HDAC4: variants seen among roughly 807,000 people sequenced by gnomAD.
HDAC4 encodes histone deacetylase A.
A neutral mutation model predicts 135.1 loss-of-function variants in HDAC4; 16 were observed. The ratio of observed to expected loss-of-function variants is 0.12; its 90% CI spans 0.08 to 0.18. The LOEUF (loss-of-function observed/expected upper bound fraction) is 0.18, where lower values mean the gene tolerates loss of function less well. HDAC4 is among the 10% of genes least tolerant of loss of function. The pLI, the probability that HDAC4 is intolerant of heterozygous loss-of-function variation, is 1.00. For synonymous variants in HDAC4, 685 were observed against 653.4 expected (o/e 1.05, Z -0.74); for missense variants, 1,143 against 1,511.8 (o/e 0.76, Z 4.05).
intron 2 of HDAC4, among the ~76,000 whole-genome samples, chr2:239,312,773 G>A (rs2125713757): frequency 6.6e-6 from 1 of 152,366 alleles, no homozygotes; most frequent in South Asian, 2.1e-4. Context: ...ACTGAGGGCA[G>A]AATGTGGTGG....
intron 2 of HDAC4, among the ~76,000 whole-genome samples, chr2:239,275,279 C>A (rs544393166): frequency 6.6e-6 from 1 of 152,210 alleles, no homozygotes; most frequent in African/African-American, 2.4e-5. Flanking sequence ...GCCAGGCTGC[C>A]GGCAAAGCGC....
chr2:239,315,788 G>A (rs777737869), intron 2 of HDAC4, among the ~76,000 whole-genome samples: 12 of 152,212 alleles, frequency 7.9e-5, no homozygotes, highest in Non-Finnish European at 1.3e-4. Context: ...TGTAAAAAAC[G>A]AAACCGTACA....
chr2:239,085,039 CAG>C (rs1412241608), intron 19 of HDAC4, among the ~76,000 whole-genome samples: 2,806 of 123,702 alleles, frequency 0.023, 84 homozygotes, highest in African/African-American at 0.084. Flanking sequence ...CTGAGACAGA[CAG>C]ACACACACAC....
At chr2:239,281,270 CACAATGAACACACCACTCT>C (rs1365473638) in intron 2 of HDAC4, among the ~76,000 whole-genome samples, 2 of 135,212 alleles carry the variant, frequency 1.5e-5, no homozygotes, top group Non-Finnish European at 3.3e-5. Flanking sequence ...CCACTCTACA[CACAATGAACACACCACTCT>C]ACAATGAACA....
At chr2:239,286,105 A>G (rs1439311964) in intron 2 of HDAC4, among the ~76,000 whole-genome samples, 1 of 152,262 alleles carries the variant, frequency 6.6e-6, no homozygotes, top group Non-Finnish European at 1.5e-5. Context: ...AGAATCTCTT[A>G]ATGCTTTATT....
chr2:239,336,044 C>T (rs932344308), intron 2 of HDAC4, among the ~76,000 whole-genome samples: 3 of 151,982 alleles, frequency 2.0e-5, no homozygotes, highest in African/African-American at 7.3e-5. Context: ...TATTATATAC[C>T]CATTAAATGA....
chr2:239,338,448 C>T (rs1008632965), intron 2 of HDAC4, among the ~76,000 whole-genome samples: 1 of 152,278 alleles, frequency 6.6e-6, no homozygotes, highest in East Asian at 1.9e-4. Flanking sequence ...GAGATTCTCA[C>T]ACCGACCTTC....
intron 25 of HDAC4, among the ~76,000 whole-genome samples, chr2:239,054,052 G>A (rs1390994117): frequency 1.3e-5 from 2 of 152,030 alleles, no homozygotes; most frequent in South Asian, 2.1e-4. Context: ...GGGGTACTGC[G>A]TCAGGCGCAA....
chr2:239,117,549 G>C (rs2039246580), intron 12 of HDAC4, among the ~76,000 whole-genome samples: 2 of 139,678 alleles, frequency 1.4e-5, no homozygotes, highest in Non-Finnish European at 3.0e-5. Flanking sequence ...AGGGGAGAGA[G>C]GGATGCGGGA....
At chr2:239,367,036 C>G (rs1471981001) in intron 1 of HDAC4, among the ~76,000 whole-genome samples, 2 of 136,700 alleles carry the variant, frequency 1.5e-5, no homozygotes, top group East Asian at 3.9e-4. Flanking sequence ...GGAAAACAAC[C>G]CTTTGACAAA....
chr2:239,240,211 G>GA lies in HDAC4; in HGVS notation c.23-3548dup, dbSNP rs2048101979. Among the ~76,000 whole-genome samples, 3 of 152,254 alleles carry GA rather than the reference G, an allele frequency of 2.0e-5. No individual in the cohort carries two copies. Among genetic ancestry groups the GA allele is most frequent in the Admixed American group, 2.0e-4 (3 of 15,288 alleles). ...CAGGCGCAGGGGCCACCAGGCCTGG[G>GA]AAAGACAGCTTTGGAACGGACCTAA... On this transcript the variant is annotated intron_variant, in intron 2 of 26. Coordinates refer to ENST00000543185, the MANE Select transcript of HDAC4 (RefSeq NM_001378414.1). This position sits in a 1 kb window ranked among gnomAD's most constrained non-coding sequence, Gnocchi z 4.5.
intron 2 of HDAC4, among the ~76,000 whole-genome samples, chr2:239,277,595 T>C (rs1313956818): frequency 2.0e-5 from 3 of 152,234 alleles, no homozygotes; most frequent in Admixed American, 6.5e-5. Flanking sequence ...ACCGGACATG[T>C]GCCCACTCTC....
chr2:239,393,034 G>A (rs1301069018), intron 1 of HDAC4, among the ~76,000 whole-genome samples: 1 of 152,216 alleles, frequency 6.6e-6, no homozygotes, highest in Non-Finnish European at 1.5e-5. Flanking sequence ...AGGCACAGAG[G>A]AAGCTCTCGC....
chr2:239,121,437 C>T (rs1271704840), intron 12 of HDAC4, among the ~76,000 whole-genome samples: 1 of 152,198 alleles, frequency 6.6e-6, no homozygotes, highest in Non-Finnish European at 1.5e-5. Context: ...CTGAGGCTTT[C>T]GGCAGCCGCG....
chr2:239,195,374 G>C (rs1200557060), intron 3 of HDAC4, among the ~76,000 whole-genome samples: 1 of 152,198 alleles, frequency 6.6e-6, no homozygotes, highest in Admixed American at 6.5e-5. Context: ...TAACACAAAT[G>C]GAGCGTTCAC....
At chr2:239,058,464 T>A (rs972958260) in intron 24 of HDAC4, among the ~76,000 whole-genome samples, 2 of 152,220 alleles carry the variant, frequency 1.3e-5, no homozygotes, top group African/African-American at 4.8e-5. Flanking sequence ...AAATAATATA[T>A]TGCCCAGGCT....
At chr2:239,286,010 G>T (rs894384085) in intron 2 of HDAC4, among the ~76,000 whole-genome samples, 3 of 152,002 alleles carry the variant, frequency 2.0e-5, no homozygotes, top group African/African-American at 4.8e-5. Flanking sequence ...GTGAAAAAAG[G>T]CAGCAAACAC....
chr2:239,261,691 C>T (rs774704578), intron 2 of HDAC4, among the ~76,000 whole-genome samples: 68 of 152,324 alleles, frequency 4.5e-4, no homozygotes, highest in Non-Finnish European at 8.5e-4. Context: ...AAGCAGAAGT[C>T]AGCGTCCTAA....
chr2:239,178,567 T>C (rs672183), intron 4 of HDAC4, among the ~76,000 whole-genome samples: 133,764 of 152,182 alleles, frequency 0.88, 58,938 homozygotes, highest in South Asian at 0.96. Context: ...TCTTTTTTGA[T>C]GAAACAAGAT....
Sources: allele counts gnomAD v4.1 joint callset (sites outside exome capture counted in the v4.1 genomes callset), GRCh38; gene constraint gnomAD v4.1.1; non-coding constraint Gnocchi (gnomAD v3.1); transcripts MANE v1.5; gene names NCBI Gene and HGNC (gene_info 2026-07-23, HGNC 2026-07-21).